OXNAD1: variants seen among roughly 807,000 people sequenced by gnomAD.
OXNAD1 encodes oxidoreductase NAD-binding domain-containing protein 1.
A neutral mutation model predicts 32.9 loss-of-function variants in OXNAD1; 34 were observed. That is an observed-to-expected ratio of 1.03 (90% CI 0.79 to 1.38). The LOEUF (loss-of-function observed/expected upper bound fraction) is 1.38. Among genes scored for constraint, OXNAD1 ranks in the 40% most tolerant of loss-of-function variants. The pLI, the probability that OXNAD1 is intolerant of heterozygous loss-of-function variation, is 0.00. For missense variants in OXNAD1, 407 were observed against 379.4 expected, an observed-to-expected ratio of 1.07 and a Z score of -0.60; for synonymous variants, 134 against 135.2, an observed-to-expected ratio of 0.99 and a Z score of 0.06.
chr3:16,301,793 CAAAA>C lies in OXNAD1; in HGVS notation c.601_604del (p.Lys201GlufsTer6), dbSNP rs2067205105. On this transcript the variant is annotated frameshift_variant, in exon 7 of 9. Transcript: ENST00000285083. LOFTEE classifies it high-confidence loss of function. This position sits in a 1 kb window ranked among gnomAD's most constrained non-coding sequence, Gnocchi z 4.1. ...CAGATCTCCTCAGAGAGCAGGCAAACAAAAGAAATGGATATGAGATAGGAACAAT... is the reference window on the plus strand; with the variant it reads ...CAGATCTCCTCAGAGAGCAGGCAAACGAAATGGATATGAGATAGGAACAAT... The C allele has an allele frequency of 6.2e-7, 1 of 1,613,998 alleles. No individual in the cohort carries two copies. Among genetic ancestry groups the C allele is most frequent in the Non-Finnish European group, 8.5e-7 (1 of 1,179,960 alleles).
rs1480080106 is a variant in OXNAD1, at chr3:16,265,850, A to G, written c.-159+345A>G. ...TGTCTGTCTCCAAAGCCCAGGAACA[A>G]ATTACTTATGTGAGTACCAGTTTTT... On this transcript the variant is annotated intron_variant, in intron 1 of 8. Transcript: ENST00000285083. The surrounding 1 kb of genome is among the most constrained non-coding windows in gnomAD (Gnocchi z 4.8). The G allele has an allele frequency of 2.1e-5, 21 of 984,910 alleles. No individual in the cohort carries two copies. Among genetic ancestry groups the G allele is most frequent in the Admixed American group, 6.1e-5 (1 of 16,266 alleles). The allele number at this position is 984,910 out of a possible 1,614,324, so 61.0% of individuals were successfully genotyped here. A position where few individuals can be genotyped will look rare whatever the true frequency, so the allele number is the denominator to read the frequency against.
At chr3:16,328,961 A>G (rs1001274129) in intron 9 of OXNAD1, among the ~76,000 whole-genome samples, 1 of 152,242 alleles carries the variant, frequency 6.6e-6, no homozygotes, top group African/African-American at 2.4e-5. Context: ...AGGGGAGAAA[A>G]GAAGGAAAGT....
chr3:16,343,151 TTTTAA>T (rs1216138034), intron 9 of OXNAD1, among the ~76,000 whole-genome samples: 1 of 152,170 alleles, frequency 6.6e-6, no homozygotes, highest in Non-Finnish European at 1.5e-5. Flanking sequence ...GAATGTGAAT[TTTTAA>T]TAAGTCCTCA....
At chr3:16,318,209 T>C (rs1366185906) in intron 9 of OXNAD1, among the ~76,000 whole-genome samples, 6 of 152,216 alleles carry the variant, frequency 3.9e-5, no homozygotes, top group African/African-American at 1.4e-4. Flanking sequence ...TTTCTCAATC[T>C]GAATTTCTCA....
rs2066279767 is a variant in OXNAD1, at chr3:16,289,383, G to C, written c.290+2935G>C. Among the ~76,000 whole-genome samples the C allele has an allele frequency of 6.6e-6, 1 of 152,166 alleles. No individual in the cohort carries two copies. The highest frequency in any genetic ancestry group is 2.4e-5 in the African/African-American group (1 of 41,442). The stretch of plus-strand genomic sequence containing the variant: ...GGCTGGGTATAGCTTGCCTCCTGAG[G>C]GGAAGTAAGGCCAAAGCATTTTCAC... On this transcript the variant is annotated intron_variant, in intron 5 of 8. Transcript: ENST00000285083. This position sits in a 1 kb window ranked among gnomAD's most constrained non-coding sequence, Gnocchi z 4.9.
intron 4 of OXNAD1, among the ~76,000 whole-genome samples, chr3:16,278,751 A>G (rs2065533578): frequency 6.6e-6 from 1 of 152,222 alleles, no homozygotes; most frequent in Admixed American, 6.5e-5. Flanking sequence ...TAGGCATGAG[A>G]AACGGGGGAG....
rs944693904 is a variant in OXNAD1 at position 16,301,095 on chromosome 3, C to CAGT, written c.433-529_433-527dup. 6.6e-6 allele frequency among the ~76,000 whole-genome samples: 1 copy of CAGT among 152,208 alleles called. No individual in the cohort carries two copies. The highest frequency in any genetic ancestry group is 1.5e-5 in the Non-Finnish European group (1 of 68,042). On this transcript the variant is annotated intron_variant, in intron 6 of 8. Coordinates refer to ENST00000285083, the MANE Select transcript of OXNAD1 (RefSeq NM_138381.5). This position sits in a 1 kb window ranked among gnomAD's most constrained non-coding sequence, Gnocchi z 4.1. ...CTAGGGAGACAGGAACAGCACTGAA[C>CAGT]AGTACTACAGGGCTGGTCTAAGCCT...
downstream of OXNAD1, among the ~76,000 whole-genome samples, chr3:16,306,533 G>A (rs1322372970): frequency 1.6e-5 from 2 of 127,144 alleles, no homozygotes; most frequent in Admixed American, 8.1e-5. Context: ...TATTGCATTA[G>A]GTTAATGTCT....
In OXNAD1 at chr3:16,336,551, A is replaced by G. The variant is rs1254034492; in HGVS notation, c.*31-561A>G. On this transcript the variant is annotated intron_variant, in intron 9 of 9. Coordinates refer to the OXNAD1 transcript ENST00000435829. This position sits in a 1 kb window ranked among gnomAD's most constrained non-coding sequence, Gnocchi z 6.0. ...TGTTTTCTCCTTTGTTTTATGCACA[A>G]TGCCCCAGAAAAACATTTTGCTGAT... Among the ~76,000 whole-genome samples, 2 of 152,230 alleles carry G rather than the reference A, an allele frequency of 1.3e-5. No homozygotes were observed. The highest frequency in any genetic ancestry group is 2.9e-5 in the Non-Finnish European group (2 of 68,038).
chr3:16,324,644 C>A (rs2069497343), intron 9 of OXNAD1, among the ~76,000 whole-genome samples: 1 of 46,628 alleles, frequency 2.1e-5, no homozygotes, highest in African/African-American at 9.1e-5. Flanking sequence ...CATAGTATTC[C>A]ATTGTGTGTG....
chr3:16,347,857 C>T (rs372392701), intron 9 of OXNAD1: 57 of 152,328 alleles, frequency 3.7e-4, no homozygotes, highest in African/African-American at 1.3e-3. Context: ...AGGTCAGGTT[C>T]CCTATAAGGA....
Position 16,271,088 on chromosome 3 carries a change from T to A in OXNAD1, c.119+17T>A. ...TCTAACCAGGTGAGTCATTAAGACTTCTGTGTCATTTGAAGTTAATTTTCA... is the reference window on the plus strand; with the variant it reads ...TCTAACCAGGTGAGTCATTAAGACTACTGTGTCATTTGAAGTTAATTTTCA... On this transcript the variant is annotated intron_variant, in intron 3 of 8. Transcript: ENST00000285083. The surrounding 1 kb of genome is among the most constrained non-coding windows in gnomAD (Gnocchi z 4.6). 1 of 1,611,610 alleles carries A rather than the reference T, an allele frequency of 6.2e-7. No homozygotes were observed. Among genetic ancestry groups the A allele is most frequent in the East Asian group, 2.2e-5 (1 of 44,842 alleles).
At chr3:16,319,512 A>C (rs760937564) in intron 9 of OXNAD1, among the ~76,000 whole-genome samples, 7 of 152,220 alleles carry the variant, frequency 4.6e-5, no homozygotes, top group Non-Finnish European at 1.0e-4. Context: ...TGATGTGAAT[A>C]GCGCCCTCTG....
rs1485686188 is a variant in OXNAD1, at chr3:16,298,655, G to C, written c.433-2971G>C. Reference sequence around the variant, plus strand: ...CACGTGAGTGTCTGGGTGGCAGCAGGCTGCACCGTTGAGACATGGAATAAA... The same window carrying C: ...CACGTGAGTGTCTGGGTGGCAGCAGCCTGCACCGTTGAGACATGGAATAAA... On this transcript the variant is annotated intron_variant, in intron 6 of 8. Transcript: ENST00000285083. The surrounding 1 kb of genome is among the most constrained non-coding windows in gnomAD (Gnocchi z 5.1). Among the ~76,000 whole-genome samples, 1 of 152,150 alleles carries C rather than the reference G, an allele frequency of 6.6e-6. No individual in the cohort carries two copies. The highest frequency in any genetic ancestry group is 6.5e-5 in the Admixed American group (1 of 15,278).
Position 16,303,527 on chromosome 3 carries a change from C to G in OXNAD1, c.904C>G (p.Pro302Ala), listed in dbSNP as rs1385769259. ...CAAGCAACTGGAAAACAACCATGTA[C>G]CCAAAGAACACATTTGCTTTGAGAA... Reference protein sequence around the residue: ...FSKQLENNHVPKEHICFEKWW With the variant: ...FSKQLENNHVAKEHICFEKWW Residue 302 changes from proline (P) to alanine (A), a missense_variant, in exon 9 of 9, where the codon CCC becomes GCC. Coordinates refer to ENST00000285083, the MANE Select transcript of OXNAD1 (RefSeq NM_138381.5). This position sits in a 1 kb window ranked among gnomAD's most constrained non-coding sequence, Gnocchi z 4.8. 6.2e-7 allele frequency: 1 copy of G among 1,613,986 alleles called. No individual in the cohort carries two copies. Among genetic ancestry groups the G allele is most frequent in the African/African-American group, 1.3e-5 (1 of 75,004 alleles).
Position 16,274,760 on chromosome 3 carries a change from G to C in OXNAD1, c.183+3038G>C, listed in dbSNP as rs2065202771. On this transcript the variant is annotated intron_variant, in intron 4 of 8. Transcript: ENST00000285083. ...ATTGCTGAACCTGACGTCTGTTTCA[G>C]GTTCTTTTGAACATGCCCTTGTTCT... Among the ~76,000 whole-genome samples the C allele has an allele frequency of 2.6e-5, 4 of 152,270 alleles. No homozygotes were observed. The South Asian group carries it at 8.3e-4, about 32-fold the overall frequency.
rs1324486801 is a variant in OXNAD1 at position 16,288,381 on chromosome 3, C to G, written c.290+1933C>G. On this transcript the variant is annotated intron_variant, in intron 5 of 8. Transcript: ENST00000285083. The surrounding 1 kb of genome is among the most constrained non-coding windows in gnomAD (Gnocchi z 5.1). Reference sequence around the variant, plus strand: ...TTATCTTTGGGGTAAGAGATTGGGCCGTGATTCCACATCTCTGAATTTTTG... The same window carrying G: ...TTATCTTTGGGGTAAGAGATTGGGCGGTGATTCCACATCTCTGAATTTTTG... Among the ~76,000 whole-genome samples, 1 of 152,064 alleles carries G rather than the reference C, an allele frequency of 6.6e-6. No individual in the cohort carries two copies. The highest frequency in any genetic ancestry group is 1.9e-4 in the East Asian group (1 of 5,184).
chr3:16,319,148 A>G (rs537953143), intron 9 of OXNAD1, among the ~76,000 whole-genome samples: 5 of 151,944 alleles, frequency 3.3e-5, no homozygotes, highest in African/African-American at 1.2e-4. Context: ...TTTTTAATGG[A>G]TGTTCCAAAA....
At chr3:16,276,972 A>G (rs1189691089) in intron 4 of OXNAD1, among the ~76,000 whole-genome samples, 1 of 149,354 alleles carries the variant, frequency 6.7e-6, no homozygotes, top group Non-Finnish European at 1.5e-5. Context: ...TGCACAGGCT[A>G]AAAGCGCAAT....
Sources: gnomAD v4.1 joint callset for allele counts (sites outside exome capture counted in the v4.1 genomes callset) on GRCh38, gnomAD v4.1.1 for gene constraint, Gnocchi (gnomAD v3.1) non-coding constraint, MANE v1.5 for transcripts, NCBI Gene and HGNC (gene_info 2026-07-23, HGNC 2026-07-21) for gene names.